The following NSUN6 variants were observed in gnomAD, a reference collection of about 807,000 sequenced individuals.
NSUN6 encodes tRNA (cytosine(72)-C(5))-methyltransferase NSUN6.
NSUN6 carries 64 observed loss-of-function variants against 58.0 expected under a neutral mutation model. That is an observed-to-expected ratio of 1.10 (90% CI 0.90 to 1.36). NSUN6 has a LOEUF of 1.36. NSUN6 is among the 40% of genes most tolerant of loss of function. The pLI, the probability that NSUN6 is intolerant of heterozygous loss-of-function variation, is 0.00. For missense variants in NSUN6, 701 were observed against 550.1 expected (o/e 1.27, Z -2.74); for synonymous variants, 231 against 193.9 (o/e 1.19, Z -1.59).
chr10:18,591,555 G>A (rs945053981), intron 7 of NSUN6, among the ~76,000 whole-genome samples: 3 of 152,130 alleles, frequency 2.0e-5, no homozygotes, highest in Non-Finnish European at 4.4e-5. Flanking sequence ...GGGGATGCAA[G>A]GCTGATTCAA....
chr10:18,607,693 C>G (rs2131303256), intron 6 of NSUN6, among the ~76,000 whole-genome samples: 1 of 152,336 alleles, frequency 6.6e-6, no homozygotes, highest in Admixed American at 6.5e-5. Flanking sequence ...GCTGGTGACT[C>G]AGATGCAGAT....
chr10:18,551,730 G>A, intron 9 of NSUN6, 93 bp downstream of exon 9: 1 of 1,063,324 alleles, frequency 9.4e-7, no homozygotes. Context: ...TTTGGCTATT[G>A]TAATGAACGC....
chr10:18,601,778 C>T (rs997449840), intron 6 of NSUN6, among the ~76,000 whole-genome samples: 1 of 151,930 alleles, frequency 6.6e-6, no homozygotes, highest in African/African-American at 2.4e-5. Flanking sequence ...GTCAGGAGTT[C>T]GAGACCAACC....
intron 3 of NSUN6, among the ~76,000 whole-genome samples, chr10:18,620,829 T>C (rs1223596038): frequency 6.6e-6 from 1 of 152,280 alleles, no homozygotes; most frequent in Non-Finnish European, 1.5e-5. Flanking sequence ...CTCATTCATC[T>C]TTGTAACACC....
At chr10:18,610,008 G>A in intron 5 of NSUN6, 82 bp from the exon 6 acceptor site, 1 of 834,490 alleles carries the variant, frequency 1.2e-6, no homozygotes, top group Non-Finnish European at 2.0e-6. Flanking sequence ...TTCTCCAATA[G>A]CCTGTCAAAC....
At chr10:18,548,003 T>C (rs1005685567) in intron 10 of NSUN6, 109 bp downstream of exon 10, 28 of 1,018,072 alleles carry the variant, frequency 2.8e-5, no homozygotes, top group African/African-American at 6.5e-5. Context: ...TTTATTACAG[T>C]GTTCACTTTG....
chr10:18,547,730 T>C (rs1282784663), intron 10 of NSUN6, among the ~76,000 whole-genome samples: 1 of 152,116 alleles, frequency 6.6e-6, no homozygotes, highest in Non-Finnish European at 1.5e-5. Flanking sequence ...TAAAGCTCAT[T>C]TGAGCTTTGA....
In NSUN6 at chr10:18,651,256, G is replaced by GC. The variant is rs1554889363; in HGVS notation, c.-54_-53insG. 95,761 of 1,359,928 alleles carry GC rather than the reference G, an allele frequency of 0.07. 1,862 individuals are homozygous for GC. Among genetic ancestry groups the GC allele is most frequent in the Non-Finnish European group, 0.083 (86,094 of 1,031,110 alleles). 84.2% of individuals were successfully genotyped at this position (1,359,928 alleles called of 1,614,324 possible). A position where few individuals can be genotyped will look rare whatever the true frequency, so the allele number is the denominator to read the frequency against. ...GAGAAATGCTGGAAAACGGTGTTTTGTTTTTTTTTTTCTTTCCGAATTAAT... is the reference window on the plus strand; with the variant it reads ...GAGAAATGCTGGAAAACGGTGTTTTGCTTTTTTTTTTTCTTTCCGAATTAAT... On this transcript the variant is annotated 5_prime_UTR_variant, in exon 1 of 11. Transcript: ENST00000377304.
Position 18,586,027 on chromosome 10 carries a change from A to C in NSUN6, c.844T>G (p.Leu282Val). 1 of 1,611,980 alleles carries C rather than the reference A, an allele frequency of 6.2e-7. No homozygotes were observed. The highest frequency in any genetic ancestry group is 8.5e-7 in the Non-Finnish European group (1 of 1,178,886). The change falls in exon 8 of 11, where the codon TTA (leucine) becomes GTA (valine). Residue 282 changes from leucine (L) to valine (V), a missense_variant. Physicochemically the swap from Leu to Val is conservative, Grantham distance 32. Coordinates refer to ENST00000377304, the MANE Select transcript of NSUN6 (RefSeq NM_182543.5). Reference protein sequence around the residue: ...VEKIKQNALLLGLNSIRAFCF... With the variant: ...VEKIKQNALLVGLNSIRAFCF... ...AATGCCCTGATGGAATTCAGCCCTA[A>C]CAATAAGGCATTCTGTTTGATTTTT...
At chr10:18,601,212 G>T (rs923788746) in intron 6 of NSUN6, among the ~76,000 whole-genome samples, 1 of 151,778 alleles carries the variant, frequency 6.6e-6, no homozygotes, top group South Asian at 2.1e-4. Flanking sequence ...ATCAAAGCTG[G>T]CATAGATTCC....
chr10:18,624,964 C>T (rs1199419803), intron 3 of NSUN6, among the ~76,000 whole-genome samples: 2 of 152,198 alleles, frequency 1.3e-5, no homozygotes, highest in Non-Finnish European at 2.9e-5. Flanking sequence ...GTACATGCTA[C>T]GCAGAGGGTG....
chr10:18,586,163 A>C, intron 7 of NSUN6, 70 bp from the exon 8 acceptor site: 1 of 1,247,378 alleles, frequency 8.0e-7, no homozygotes. Flanking sequence ...CAGTCATAAA[A>C]ATAATGAGAA....
In NSUN6 at chr10:18,545,635, A is replaced by T. The variant is rs1036913648; in HGVS notation, c.*298T>A. 1 of 222,758 alleles carries T rather than the reference A, an allele frequency of 4.5e-6. No individual in the cohort carries two copies. The highest frequency in any genetic ancestry group is 2.3e-5 in the African/African-American group (1 of 43,268). The allele number at this position is 222,758 out of a possible 1,614,324, so 13.8% of individuals were successfully genotyped here. A position where few individuals can be genotyped will look rare whatever the true frequency, so the allele number is the denominator to read the frequency against. On this transcript the variant is annotated 3_prime_UTR_variant, in exon 11 of 11. Coordinates refer to ENST00000377304, the MANE Select transcript of NSUN6 (RefSeq NM_182543.5). ...TTAAAAATGACTTGTACACTTTACA[A>T]ATTAAAACATTAGATCACAAATGAA...
upstream of NSUN6, chr10:18,652,568 T>TC: frequency 1.1e-6 from 1 of 930,944 alleles, no homozygotes; most frequent in Non-Finnish European, 1.3e-6. Flanking sequence ...TTTTCTCTGC[T>TC]CTTTTTTTTT....
intron 8 of NSUN6, among the ~76,000 whole-genome samples, chr10:18,579,259 G>A (rs914788329): frequency 6.6e-6 from 1 of 151,974 alleles, no homozygotes; most frequent in African/African-American, 2.4e-5. Context: ...TGCAAGCTCT[G>A]CCTCCCGTTC....
intron 6 of NSUN6, among the ~76,000 whole-genome samples, chr10:18,601,539 A>T (rs528123622): frequency 2.2e-3 from 333 of 152,360 alleles, no homozygotes; most frequent in African/African-American, 7.7e-3. Context: ...GGACTAAGAC[A>T]TAACAGTTAT....
At chr10:18,657,782 T>G (rs2059793605), upstream of NSUN6, among the ~76,000 whole-genome samples, 1 of 151,966 alleles carries the variant, frequency 6.6e-6, no homozygotes, top group Non-Finnish European at 1.5e-5. Context: ...CCCGGCTAAT[T>G]TTTGTATTTT....
chr10:18,597,659 A>G (rs928296248), intron 6 of NSUN6, among the ~76,000 whole-genome samples: 2 of 152,166 alleles, frequency 1.3e-5, no homozygotes, highest in Admixed American at 1.3e-4. Flanking sequence ...CCAGCTACTC[A>G]GGAGGCTGAG....
chr10:18,640,311 CAGG>C (rs1158353060), intron 3 of NSUN6, among the ~76,000 whole-genome samples: 2 of 152,074 alleles, frequency 1.3e-5, no homozygotes, highest in Non-Finnish European at 2.9e-5. Flanking sequence ...TGAGGTGGGA[CAGG>C]AGATGTAACA....
Sources: gnomAD v4.1 joint callset for allele counts (sites outside exome capture counted in the v4.1 genomes callset) on GRCh38, gnomAD v4.1.1 for gene constraint, MANE v1.5 for transcripts, NCBI Gene and HGNC (gene_info 2026-07-23, HGNC 2026-07-21) for gene names.